The following MARCO variants were observed in gnomAD, a reference collection of about 807,000 sequenced individuals.
MARCO encodes the protein macrophage receptor MARCO.
A neutral mutation model predicts 70.0 loss-of-function variants in MARCO; 72 were observed. The observed-to-expected ratio is 1.03, with a 90% confidence interval of 0.85 to 1.25. The LOEUF (loss-of-function observed/expected upper bound fraction) is 1.25, where lower values mean the gene tolerates loss of function less well. MARCO is among the 50% of genes most tolerant of loss of function. The pLI is 0.00. For synonymous variants in MARCO, 273 were observed against 243.1 expected (o/e 1.12, Z -1.14); for missense variants, 696 against 659.3 (o/e 1.06, Z -0.61).
At chr2:118,950,004 G>T (rs1679688574) in intron 1 of MARCO, 1 of 152,174 alleles carries the variant, frequency 6.6e-6, no homozygotes, top group Admixed American at 6.5e-5. Flanking sequence ...TTAAACGTGG[G>T]TACATCAACA....
chr2:118,971,523 A>C lies in MARCO; in HGVS notation c.449A>C (p.Gln150Pro), dbSNP rs538908706. The change falls in exon 4 of 17, where the codon CAA becomes CCA. Residue 150 changes from glutamine (Q) to proline (P), a missense_variant. Physicochemically the swap from Gln to Pro is moderately conservative, Grantham distance 76 (BLOSUM62 -1). This residue lies in a region of MARCO where 605 missense variants were observed against 537.6 expected (regional missense o/e 1.13). Coordinates refer to ENST00000327097, the MANE Select transcript of MARCO (RefSeq NM_006770.4). The part of the protein sequence containing the change: ...NPGMFRIKGE[Q>P]GAPGLQGHKG... ...GGGATGTTCAGAATCAAAGGTGAAC[A>C]AGGCGCCCCAGGTAGGTTCATTTCC... is the stretch of plus-strand genomic sequence containing the variant. 1.2e-6 allele frequency: 2 copies of C among 1,614,000 alleles called. No homozygotes were observed. The highest frequency in any genetic ancestry group is 2.7e-5 in the African/African-American group (2 of 75,064).
chr2:118,974,440 G>A lies in MARCO; in HGVS notation c.568G>A (p.Gly190Ser), dbSNP rs1396242389. The A allele has an allele frequency of 1.2e-6, 2 of 1,612,740 alleles. No individual in the cohort carries two copies. The highest frequency in any genetic ancestry group is 1.7e-6 in the Non-Finnish European group (2 of 1,179,434). The change falls in exon 5 of 17, where the codon GGC (glycine) becomes AGC (serine). Residue 190 changes from glycine to serine, a missense_variant and splice_region_variant. Physicochemically the swap from Gly to Ser is moderately conservative, Grantham distance 56 (BLOSUM62 0). Around this residue, in one of 3 missense-constraint regions of MARCO, gnomAD observed 605 missense variants for 537.6 expected, o/e 1.13. Coordinates refer to ENST00000327097, the MANE Select transcript of MARCO (RefSeq NM_006770.4). ...GGCTATGGGACGAGATGGAGCAACA[G>A]GTACGGGTCTTTTTCTTCTGACCCT... ...KGAMGRDGAT[G>S]PSGPQGPPGV...
At position 118,977,504 on chromosome 2, in the gene MARCO, A is replaced by G. The variant is rs770999931; in HGVS notation, c.647A>G (p.Gln216Arg). 6.2e-7 allele frequency: 1 copy of G among 1,613,940 alleles called. No individual in the cohort carries two copies. The highest frequency in any genetic ancestry group is 1.7e-5 in the Admixed American group (1 of 60,018). ...GGACCCCAGGGTGCTCCAGGGAAGC[A>G]AGGAGCCACTGGTAACTTGTACTTG... The part of the protein sequence containing the change: ...LQGPQGAPGK[Q>R]GATGTPGPQG... The change falls in exon 7 of 17, where the codon CAA (glutamine) becomes CGA (arginine). Residue 216 changes from glutamine to arginine, a missense_variant. Gln to Arg is a conservative substitution (Grantham distance 43, BLOSUM62 1). Coordinates refer to ENST00000327097, the MANE Select transcript of MARCO (RefSeq NM_006770.4).
In MARCO at chr2:118,973,243, T is replaced by G. The variant is rs1247234471; in HGVS notation, c.461-1090T>G. On this transcript the variant is annotated intron_variant, in intron 4 of 16. Coordinates refer to ENST00000327097, the MANE Select transcript of MARCO (RefSeq NM_006770.4). ...CTCTCTCTGTCTCTCTGAATATAGA[T>G]GTATGTACATAGAGAAAAACTCCAA... Among the ~76,000 whole-genome samples, 4 of 152,092 alleles carry G rather than the reference T, an allele frequency of 2.6e-5. No homozygotes were observed. The South Asian group carries it at 6.2e-4, about 24-fold the overall frequency.
At chr2:118,959,850 T>C (rs1436103273) in intron 1 of MARCO, among the ~76,000 whole-genome samples, 1 of 152,126 alleles carries the variant, frequency 6.6e-6, no homozygotes, top group African/African-American at 2.4e-5. Flanking sequence ...TTATTCTAAG[T>C]GAAGTAACTC....
chr2:118,971,201 GT>G (rs1327787451), intron 3 of MARCO, among the ~76,000 whole-genome samples: 2 of 152,076 alleles, frequency 1.3e-5, no homozygotes, highest in Non-Finnish European at 2.9e-5. Flanking sequence ...ATACGAAGGG[GT>G]TCTACCTCCT....
chr2:118,975,160 G>T (rs1004965111), intron 6 of MARCO, among the ~76,000 whole-genome samples: 1 of 152,124 alleles, frequency 6.6e-6, no homozygotes, highest in Non-Finnish European at 1.5e-5. Flanking sequence ...GGTTCACGGG[G>T]CCCGGTCAGA....
At position 118,990,627 on chromosome 2, in the gene MARCO, G is replaced by A. The variant is rs201613882; in HGVS notation, c.1102G>A (p.Val368Ile). ...GCAAGGAAGAAAAGGAGAATCAGGA[G>A]TTCCAGGTAAAGGGCAGGCTGCATC... Reference protein sequence around the residue: ...GQQGRKGESGVPGPAGVKGEQ... With the variant: ...GQQGRKGESGIPGPAGVKGEQ... Residue 368 changes from valine (V) to isoleucine (I), a missense_variant, in exon 13 of 17, where the codon GTT becomes ATT. Transcript: ENST00000327097. The A allele has an allele frequency of 3.1e-6, 5 of 1,595,222 alleles. No homozygotes were observed. In the East Asian group the frequency reaches 1.1e-4, roughly 37 times the overall value.
At chr2:118,980,458 A>G (rs950512842) in intron 8 of MARCO, among the ~76,000 whole-genome samples, 7 of 152,174 alleles carry the variant, frequency 4.6e-5, no homozygotes, top group African/African-American at 1.7e-4. Context: ...TCACCTCTTC[A>G]GAGCTCTCTC....
chr2:118,950,404 C>T (rs1178350248), intron 1 of MARCO, among the ~76,000 whole-genome samples: 5 of 152,174 alleles, frequency 3.3e-5, no homozygotes, highest in Middle Eastern at 3.2e-3. Flanking sequence ...TGTTTACACA[C>T]AGAATTTCCT....
intron 5 of MARCO, 27 bp downstream of exon 5, chr2:118,974,467 A>T (rs1441480246): frequency 1.2e-6 from 2 of 1,612,228 alleles, no homozygotes; most frequent in East Asian, 4.5e-5. Context: ...TCTGACCCTT[A>T]ATCATTTTCC....
intron 13 of MARCO, among the ~76,000 whole-genome samples, chr2:118,991,005 C>A (rs940085914): frequency 1.3e-5 from 2 of 152,144 alleles, no homozygotes; most frequent in African/African-American, 4.8e-5. Context: ...TCAGCTGTGG[C>A]CCACTTGTCT....
intron 4 of MARCO, 121 bp from the exon 5 acceptor site, chr2:118,974,212 A>C (rs1438032125): frequency 8.6e-6 from 6 of 698,240 alleles, no homozygotes; most frequent in Admixed American, 2.1e-5. Context: ...CTTTCCACAC[A>C]GTTGGCTCAT....
chr2:118,992,455 A>G lies in MARCO; in HGVS notation c.1231A>G (p.Lys411Glu). The G allele has an allele frequency of 6.2e-7, 1 of 1,613,672 alleles. No individual in the cohort carries two copies. The highest frequency in any genetic ancestry group is 8.5e-7 in the Non-Finnish European group (1 of 1,179,592). Reference sequence around the variant, plus strand: ...AGGATCTTCTGGGGAGCAAGGAGTAAAGGGAGAAAAAGGTGAAAGAGGTAA... The same window carrying G: ...AGGATCTTCTGGGGAGCAAGGAGTAGAGGGAGAAAAAGGTGAAAGAGGTAA... ...VKGSSGEQGVKGEKGERGENS... is the reference protein window; with the variant it reads ...VKGSSGEQGVEGEKGERGENS... Residue 411 changes from lysine to glutamate, a missense_variant, in exon 15 of 17, where the codon AAG becomes GAG. Lys to Glu is a moderately conservative substitution (Grantham distance 56). Coordinates refer to ENST00000327097, the MANE Select transcript of MARCO (RefSeq NM_006770.4).
intron 1 of MARCO, among the ~76,000 whole-genome samples, chr2:118,945,483 G>T (rs1371543891): frequency 6.6e-6 from 1 of 150,440 alleles, no homozygotes; most frequent in East Asian, 2.0e-4. Flanking sequence ...AGCGATCTCG[G>T]CTCAGTGCAA....
chr2:118,962,895 A>T (rs1468527461), intron 1 of MARCO, among the ~76,000 whole-genome samples: 1 of 151,946 alleles, frequency 6.6e-6, no homozygotes, highest in Non-Finnish European at 1.5e-5. Flanking sequence ...AAAGTTAGTG[A>T]TAGTATTTTC....
At chr2:118,945,635 A>G (rs1044913439) in intron 1 of MARCO, among the ~76,000 whole-genome samples, 9 of 151,344 alleles carry the variant, frequency 5.9e-5, no homozygotes, top group African/African-American at 2.2e-4. Flanking sequence ...CTGGTGTCCA[A>G]CTCCTGACCT....
Position 118,959,884 on chromosome 2 carries a change from A to G in MARCO, c.98-9276A>G, listed in dbSNP as rs116274457. On this transcript the variant is annotated intron_variant, in intron 1 of 16. Transcript: ENST00000327097. ...TCAGGAATGGAAAACGAAACATCAT[A>G]TGTTATCACTGATATGAGGGAGCTA... Among the ~76,000 whole-genome samples the G allele has an allele frequency of 0.012, 1,893 of 152,288 alleles. 94 individuals are homozygous for G. The South Asian group carries it at 0.13, about 10-fold the overall frequency.
chr2:118,986,550 A>AGAG (rs1680487125), intron 12 of MARCO, among the ~76,000 whole-genome samples: 1 of 118,998 alleles, frequency 8.4e-6, no homozygotes, highest in African/African-American at 4.1e-5. Context: ...GAGAGAGAGG[A>AGAG]AGGAAGGAAG....
Sources: allele counts gnomAD v4.1 joint callset (sites outside exome capture counted in the v4.1 genomes callset), GRCh38; gene constraint gnomAD v4.1.1; regional missense constraint gnomAD v4.1.1; transcripts MANE v1.5; gene names NCBI Gene and HGNC (gene_info 2026-07-23, HGNC 2026-07-21).